STAT3: variants seen among roughly 807,000 people sequenced by gnomAD.
The protein encoded by STAT3 is DNA-binding protein APRF.
A neutral mutation model predicts 114.3 loss-of-function variants in STAT3; 7 were observed. That is an observed-to-expected ratio of 0.06 (90% CI 0.03 to 0.11). The LOEUF (loss-of-function observed/expected upper bound fraction) is 0.11. Among genes scored for constraint, STAT3 ranks in the 10% least tolerant of loss-of-function variants. The pLI is 1.00. For missense variants in STAT3, 364 were observed against 960.9 expected, an observed-to-expected ratio of 0.38 and a Z score of 8.21; for synonymous variants, 331 against 354.5, an observed-to-expected ratio of 0.93 and a Z score of 0.74.
At chr17:42,344,611 C>T (rs1422546771) in intron 4 of STAT3, among the ~76,000 whole-genome samples, 3 of 145,100 alleles carry the variant, frequency 2.1e-5, no homozygotes, top group Non-Finnish European at 4.5e-5. Flanking sequence ...CCCAGCTAGT[C>T]GGGAGGCTGA....
chr17:42,334,300 A>AATTT (rs1378139356), intron 8 of STAT3, among the ~76,000 whole-genome samples: 4 of 151,858 alleles, frequency 2.6e-5, no homozygotes, highest in Non-Finnish European at 5.9e-5. Context: ...AAAAGAAAAT[A>AATTT]ATTTATTTAT....
intron 1 of STAT3, among the ~76,000 whole-genome samples, chr17:42,360,823 T>C (rs1003037088): frequency 2.6e-5 from 4 of 151,932 alleles, no homozygotes; most frequent in East Asian, 1.9e-4. Flanking sequence ...TGTATCAAAA[T>C]TGAAATGGAA....
intron 1 of STAT3, among the ~76,000 whole-genome samples, chr17:42,365,141 T>C (rs1018398155): frequency 3.3e-5 from 5 of 152,170 alleles, no homozygotes; most frequent in East Asian, 3.8e-4. Context: ...AGTCCATAAC[T>C]GTTCCAACCA....
intron 23 of STAT3, 110 bp downstream of exon 23, chr17:42,316,679 G>A (rs1156527937): frequency 6.4e-7 from 1 of 1,556,686 alleles, no homozygotes; most frequent in Non-Finnish European, 8.7e-7. Flanking sequence ...CAAAGCTCTA[G>A]AATCTCCTAC....
Position 42,371,235 on chromosome 17 carries a change from G to C in STAT3, c.-24+17044C>G, listed in dbSNP as rs1446887497. Among the ~76,000 whole-genome samples, 4 of 152,130 alleles carry C rather than the reference G, an allele frequency of 2.6e-5. No homozygotes were observed. In the East Asian group the frequency reaches 7.7e-4, roughly 29 times the overall value. On this transcript the variant is annotated intron_variant, in intron 1 of 23. Coordinates refer to ENST00000264657, the MANE Select transcript of STAT3 (RefSeq NM_139276.3). ...AGAAAAGTTTAAGAGTTATATTTTG[G>C]GCAAGTAGACAGGAGACAACTACAA... is the stretch of plus-strand genomic sequence containing the variant.
At position 42,314,621 on chromosome 17, in the gene STAT3, C is replaced by G. The variant is rs1695019607; in HGVS notation, c.*1124G>C. 4.3e-6 allele frequency: 1 copy of G among 231,170 alleles called. No individual in the cohort carries two copies. The highest frequency in any genetic ancestry group is 8.6e-6 in the Non-Finnish European group (1 of 116,466). 14.3% of individuals were successfully genotyped at this position (231,170 alleles called of 1,614,324 possible). The stretch of plus-strand genomic sequence containing the variant: ...AGGTTGTAAGCACCCTCTGCCCAGC[C>G]TTACTCACTAAAAGGCCAATACATT... On this transcript the variant is annotated 3_prime_UTR_variant, in exon 24 of 24. Coordinates refer to ENST00000264657, the MANE Select transcript of STAT3 (RefSeq NM_139276.3).
chr17:42,370,736 C>T (rs1405693462), intron 1 of STAT3, among the ~76,000 whole-genome samples: 2 of 151,056 alleles, frequency 1.3e-5, no homozygotes, highest in Non-Finnish European at 3.0e-5. Context: ...CAAGCATGCA[C>T]CACCTACAGG....
In STAT3 at chr17:42,314,851, C is replaced by CGT. The variant is rs2081192936; in HGVS notation, c.*893_*894insAC. ...CCAAGGAGGCTGTTAACTGAAGTTT[C>CGT]TTTTTTTTTTTTTTTTTTTTGAGAC... On this transcript the variant is annotated 3_prime_UTR_variant, in exon 24 of 24. Transcript: ENST00000264657. The CGT allele has an allele frequency of 7.2e-6, 1 of 138,322 alleles. No individual in the cohort carries two copies. Among genetic ancestry groups the CGT allele is most frequent in the African/African-American group, 3.1e-5 (1 of 32,630 alleles). 8.6% of individuals were successfully genotyped at this position (138,322 alleles called of 1,614,324 possible). A position where few individuals can be genotyped will look rare whatever the true frequency, so the allele number is the denominator to read the frequency against.
Position 42,323,638 on chromosome 17 carries a change from A to G in STAT3, c.1601-13T>C, listed in dbSNP as rs774910352. ...TTCACACCAGGTCCTGAAGGAAAGAAAAAGAGTCAAGTAGTACATTTTCAG... is the reference window on the plus strand; with the variant it reads ...TTCACACCAGGTCCTGAAGGAAAGAGAAAGAGTCAAGTAGTACATTTTCAG... On this transcript the variant is annotated splice_polypyrimidine_tract_variant and intron_variant, in intron 17 of 23. Coordinates refer to ENST00000264657, the MANE Select transcript of STAT3 (RefSeq NM_139276.3). The G allele has an allele frequency of 1.2e-6, 2 of 1,613,930 alleles. No individual in the cohort carries two copies. Among genetic ancestry groups the G allele is most frequent in the South Asian group, 1.1e-5 (1 of 91,070 alleles).
chr17:42,384,270 A>T (rs987835567), intron 1 of STAT3, among the ~76,000 whole-genome samples: 3 of 151,288 alleles, frequency 2.0e-5, no homozygotes, highest in Admixed American at 6.6e-5. Flanking sequence ...CTGGGACTAC[A>T]GACGCCCGCC....
Position 42,348,530 on chromosome 17 carries a change from G to C in STAT3, c.-14C>G, listed in dbSNP as rs2145014882. On this transcript the variant is annotated 5_prime_UTR_variant, in exon 2 of 24. Coordinates refer to ENST00000264657, the MANE Select transcript of STAT3 (RefSeq NM_139276.3). Reference sequence around the variant, plus strand: ...CCATTGGGCCATCCTGCTAAAATCAGGGGTCCCAACTGTAAACCAAAGTGT... The same window carrying C: ...CCATTGGGCCATCCTGCTAAAATCACGGGTCCCAACTGTAAACCAAAGTGT... The C allele has an allele frequency of 3.7e-6, 6 of 1,613,132 alleles. No individual in the cohort carries two copies. The highest frequency in any genetic ancestry group is 5.1e-6 in the Non-Finnish European group (6 of 1,179,946).
At chr17:42,375,413 T>C (rs562262780) in intron 1 of STAT3, among the ~76,000 whole-genome samples, 2 of 152,350 alleles carry the variant, frequency 1.3e-5, no homozygotes, top group African/African-American at 2.4e-5. Context: ...GGCAGATCCA[T>C]AGATTCTTTC....
chr17:42,371,609 G>A (rs1367604012), intron 1 of STAT3, among the ~76,000 whole-genome samples: 1 of 150,448 alleles, frequency 6.6e-6, no homozygotes, highest in African/African-American at 2.5e-5. Flanking sequence ...TCAGGAGGCG[G>A]AGGTTGCAGT....
At chr17:42,376,792 G>A (rs1484633372) in intron 1 of STAT3, among the ~76,000 whole-genome samples, 2 of 151,978 alleles carry the variant, frequency 1.3e-5, no homozygotes, top group Non-Finnish European at 2.9e-5. Flanking sequence ...CTTACAGTGG[G>A]CCCAGATCGC....
At chr17:42,348,025 T>A (rs947494285) in intron 2 of STAT3, among the ~76,000 whole-genome samples, 6 of 152,350 alleles carry the variant, frequency 3.9e-5, no homozygotes, top group Non-Finnish European at 7.3e-5. Flanking sequence ...GAATTACAAG[T>A]ATCAACCCAA....
chr17:42,387,731 C>T (rs2085186271), intron 1 of STAT3: 2 of 152,362 alleles, frequency 1.3e-5, no homozygotes, highest in Admixed American at 1.3e-4. Context: ...TGCAATAAAG[C>T]CTACCCACGA....
intron 1 of STAT3, among the ~76,000 whole-genome samples, chr17:42,363,217 G>C (rs1266200677): frequency 6.6e-6 from 1 of 152,192 alleles, no homozygotes; most frequent in Non-Finnish European, 1.5e-5. Context: ...CTGAGGAATA[G>C]GCCAACTCTT....
intron 2 of STAT3, among the ~76,000 whole-genome samples, chr17:42,347,731 T>C (rs2082763746): frequency 6.6e-6 from 1 of 152,066 alleles, no homozygotes; most frequent in Non-Finnish European, 1.5e-5. Context: ...AGACAGTGAG[T>C]TCTTGTGAGA....
At chr17:42,381,227 T>C (rs1043749985) in intron 1 of STAT3, among the ~76,000 whole-genome samples, 10 of 152,168 alleles carry the variant, frequency 6.6e-5, no homozygotes, top group African/African-American at 2.2e-4. Context: ...AAAACTACAA[T>C]AGCAATCACC....
Sources: allele counts gnomAD v4.1 joint callset (sites outside exome capture counted in the v4.1 genomes callset), GRCh38; gene constraint gnomAD v4.1.1; transcripts MANE v1.5; gene names NCBI Gene and HGNC (gene_info 2026-07-23, HGNC 2026-07-21).